Variants in CSMD3 observed in about 807,000 individuals in gnomAD.
The protein encoded by CSMD3 is CUB and Sushi multiple domains 3.
Under a neutral mutation model 435.2 loss-of-function variants are expected in CSMD3, and 177 were observed. The ratio of observed to expected loss-of-function variants is 0.41; its 90% CI spans 0.36 to 0.46. The LOEUF (loss-of-function observed/expected upper bound fraction) is 0.46. Among genes scored for constraint, CSMD3 ranks in the 20% least tolerant of loss-of-function variants. The pLI is 0.34. For missense variants in CSMD3, 4,265 were observed against 4,504.6 expected (o/e 0.95, Z 1.52); for synonymous variants, 1,656 against 1,520.5 (o/e 1.09, Z -2.07).
At position 112,222,955 on chromosome 8, in the gene CSMD3, T is replaced by G. The variant is rs973324604; in HGVS notation, c.*1816A>C. 2.5e-6 allele frequency: 1 copy of G among 396,150 alleles called. No homozygotes were observed. The highest frequency in any genetic ancestry group is 4.5e-6 in the Non-Finnish European group (1 of 224,230). The allele number at this position is 396,150 out of a possible 1,614,324, so 24.5% of individuals were successfully genotyped here. On this transcript the variant is annotated 3_prime_UTR_variant, in exon 71 of 71. Transcript: ENST00000297405. ...TTACAAAAGCAATTATCCATTTTTA[T>G]TTTGTTTACATTGCACTGAAAATTT...
rs1156844326 is a variant in CSMD3, at chr8:112,421,525, T to C, written c.5396-12493A>G. On this transcript the variant is annotated intron_variant, in intron 32 of 70. Transcript: ENST00000297405. ...TGCCACTGCACTCCAGCCTCGGTGA[T>C]AGAGGAGGACCCCCTGTAAAAGATA... is the stretch of plus-strand genomic sequence containing the variant. Among the ~76,000 whole-genome samples the C allele has an allele frequency of 4.8e-5, 7 of 146,868 alleles. No individual in the cohort carries two copies. In the East Asian group the frequency reaches 1.4e-3, roughly 29 times the overall value.
At chr8:112,930,429 A>G (rs2130702651) in intron 9 of CSMD3, among the ~76,000 whole-genome samples, 1 of 152,240 alleles carries the variant, frequency 6.6e-6, no homozygotes, top group East Asian at 1.9e-4. Context: ...ATATTTAAGA[A>G]CAGCTGTCAG....
chr8:113,033,151 G>A (rs1484458686), intron 5 of CSMD3, among the ~76,000 whole-genome samples: 1 of 151,608 alleles, frequency 6.6e-6, no homozygotes, highest in Non-Finnish European at 1.5e-5. Context: ...AATGTGAGTT[G>A]GAGCTCTCAC....
intron 13 of CSMD3, among the ~76,000 whole-genome samples, chr8:112,758,285 G>A: frequency 6.6e-6 from 1 of 150,872 alleles, no homozygotes; most frequent in East Asian, 1.9e-4. Context: ...CTGGGAGGTG[G>A]AGGCTGCAGT....
chr8:112,380,274 T>C, intron 38 of CSMD3, 78 bp downstream of exon 38: 2 of 793,356 alleles, frequency 2.5e-6, no homozygotes, highest in Admixed American at 3.7e-5. Context: ...CTATAATATG[T>C]ACATATCAAC....
chr8:112,530,639 A>G (rs1467653954), intron 27 of CSMD3, among the ~76,000 whole-genome samples: 2 of 152,202 alleles, frequency 1.3e-5, no homozygotes, highest in East Asian at 3.9e-4. Flanking sequence ...GAGAAATGCC[A>G]AGAAAGTTCT....
intron 13 of CSMD3, among the ~76,000 whole-genome samples, chr8:112,734,525 G>T (rs955802822): frequency 1.3e-5 from 2 of 151,914 alleles, no homozygotes; most frequent in East Asian, 3.9e-4. Flanking sequence ...TTTTTTGTGA[G>T]ACTTTTGTCT....
At chr8:112,834,491 G>A (rs762804849) in intron 11 of CSMD3, among the ~76,000 whole-genome samples, 21 of 151,528 alleles carry the variant, frequency 1.4e-4, no homozygotes, top group Non-Finnish European at 2.7e-4. Flanking sequence ...TTGAGATATG[G>A]TTAAAAGAAA....
chr8:112,440,385 C>A (rs960970070), intron 32 of CSMD3, among the ~76,000 whole-genome samples: 1 of 152,128 alleles, frequency 6.6e-6, no homozygotes, highest in South Asian at 2.1e-4. Context: ...GGTATAGCCA[C>A]CCCTCCTGGC....
intron 3 of CSMD3, among the ~76,000 whole-genome samples, chr8:113,275,041 T>G (rs1344813370): frequency 6.6e-6 from 1 of 152,070 alleles, no homozygotes; most frequent in South Asian, 2.1e-4. Context: ...CCCCATAGAA[T>G]TGAAATGCTT....
chr8:112,487,634 T>C (rs1192439528), intron 31 of CSMD3, among the ~76,000 whole-genome samples: 1 of 152,114 alleles, frequency 6.6e-6, no homozygotes, highest in East Asian at 1.9e-4. Context: ...TGGAAGATAC[T>C]ATATGGAGAA....
At chr8:112,930,278 A>G (rs1035475866) in intron 9 of CSMD3, among the ~76,000 whole-genome samples, 3 of 152,122 alleles carry the variant, frequency 2.0e-5, no homozygotes, top group Non-Finnish European at 4.4e-5. Flanking sequence ...CTACTATCAG[A>G]CAGCAATAAA....
chr8:112,542,752 T>C (rs1294229362), intron 27 of CSMD3, among the ~76,000 whole-genome samples: 2 of 152,034 alleles, frequency 1.3e-5, no homozygotes, highest in African/African-American at 4.8e-5. Context: ...ATAACTTGAA[T>C]AGTCAAATCA....
chr8:113,220,290 G>A (rs1231929948), intron 3 of CSMD3, among the ~76,000 whole-genome samples: 1 of 151,258 alleles, frequency 6.6e-6, no homozygotes, highest in African/African-American at 2.4e-5. Flanking sequence ...AGAAACGAGG[G>A]CTCCTTGGAG....
chr8:112,905,294 C>A, intron 10 of CSMD3, among the ~76,000 whole-genome samples: 1 of 132,182 alleles, frequency 7.6e-6, no homozygotes, highest in African/African-American at 2.9e-5. Flanking sequence ...TTTTATTAAA[C>A]ATATACTATG....
At chr8:112,985,357 A>C (rs1332030620) in intron 6 of CSMD3, among the ~76,000 whole-genome samples, 1 of 152,270 alleles carries the variant, frequency 6.6e-6, no homozygotes, top group Non-Finnish European at 1.5e-5. Flanking sequence ...GGCAGGAATG[A>C]AAAAACGAAA....
At chr8:113,143,529 C>T (rs2091599728) in intron 4 of CSMD3, among the ~76,000 whole-genome samples, 1 of 151,288 alleles carries the variant, frequency 6.6e-6, no homozygotes, top group Admixed American at 6.6e-5. Flanking sequence ...ACCCAATAGC[C>T]AAAACTGTAA....
chr8:113,241,707 T>C (rs368434442), intron 3 of CSMD3, among the ~76,000 whole-genome samples: 19 of 151,920 alleles, frequency 1.3e-4, no homozygotes, highest in East Asian at 1.2e-3. Context: ...CTCTCAGTAA[T>C]AGAGGTAACA....
intron 8 of CSMD3, among the ~76,000 whole-genome samples, chr8:112,948,803 AAC>A (rs1235281825): frequency 6.6e-6 from 1 of 152,038 alleles, no homozygotes; most frequent in Non-Finnish European, 1.5e-5. Flanking sequence ...GTGAACTGAA[AAC>A]ACAGGTAGAT....
Sources: allele counts gnomAD v4.1 joint callset (sites outside exome capture counted in the v4.1 genomes callset), GRCh38; gene constraint gnomAD v4.1.1; transcripts MANE v1.5; gene names NCBI Gene and HGNC (gene_info 2026-07-23, HGNC 2026-07-21).